The following TMEM255A variants were observed in gnomAD, a reference collection of about 807,000 sequenced individuals.
TMEM255A encodes family with sequence similarity 70, member A.
Under a neutral mutation model 23.5 loss-of-function variants are expected in TMEM255A, and 14 were observed. The observed-to-expected ratio is 0.60, with a 90% CI of 0.39 to 0.93. The LOEUF (loss-of-function observed/expected upper bound fraction) is 0.93. Among genes scored for constraint, TMEM255A ranks in the 40% least tolerant of loss-of-function variants. TMEM255A has a pLI of 0.00. For missense variants in TMEM255A, 233 were observed against 261.7 expected (o/e 0.89, Z 0.76); for synonymous variants, 104 against 100.3 (o/e 1.04, Z -0.22).
chrX:120,252,371 G>GT, the TMEM255A span, among the ~76,000 whole-genome samples: 3 of 110,175 alleles, frequency 2.7e-5, no homozygotes, highest in Admixed American at 9.6e-5. Flanking sequence ...TAATATATGG[G>GT]TTTTTTTAAA....
intron 4 of TMEM255A, among the ~76,000 whole-genome samples, chrX:120,289,206 C>A (rs1351671646): frequency 9.0e-6 from 1 of 111,645 alleles, no homozygotes; most frequent in Non-Finnish European, 1.9e-5. Context: ...TGAGGACTAG[C>A]CAATGTCTTA....
Position 120,298,662 on chromosome X carries a change from C to T in TMEM255A, c.202-4611G>A, listed in dbSNP as rs782619749. On this transcript the variant is annotated intron_variant, in intron 2 of 8. Transcript: ENST00000371369. Reference sequence around the variant, plus strand: ...GTCTAAATTCTGAATCCCATCTGACCCAAGGGTTCAGAGAAGGGATTGAGG... The same window carrying T: ...GTCTAAATTCTGAATCCCATCTGACTCAAGGGTTCAGAGAAGGGATTGAGG... Among the ~76,000 whole-genome samples the T allele has an allele frequency of 2.7e-5, 3 of 110,450 alleles. No individual in the cohort carries two copies. The South Asian group carries it at 1.2e-3, about 43-fold the overall frequency.
intron 2 of TMEM255A, among the ~76,000 whole-genome samples, chrX:120,298,182 C>T (rs1227520765): frequency 4.5e-5 from 5 of 111,256 alleles, no homozygotes; most frequent in Non-Finnish European, 7.5e-5. Flanking sequence ...TCACCTATGC[C>T]TGTTCCCATT....
intron 2 of TMEM255A, among the ~76,000 whole-genome samples, chrX:120,301,807 C>T (rs1556026051): frequency 9.0e-6 from 1 of 111,041 alleles, no homozygotes; most frequent in African/African-American, 3.3e-5. Context: ...TATAGTAACT[C>T]CCTAATAACC....
rs1556024244 is a variant in TMEM255A at position 120,296,760 on chromosome X, A to AT, written c.202-2710dup. Reference sequence around the variant, plus strand: ...ATTATATTATATTATATTATATATTATATATATTAAATATATTATATATCA... The same window carrying AT: ...ATTATATTATATTATATTATATATTATTATATATTAAATATATTATATATCA... On this transcript the variant is annotated intron_variant, in intron 2 of 8. Transcript: ENST00000371369. Among the ~76,000 whole-genome samples, 34 of 10,017 alleles carry AT rather than the reference A, an allele frequency of 3.4e-3. 1 individual carries two copies. Among genetic ancestry groups the AT allele is most frequent in the African/African-American group, 0.025 (28 of 1,125 alleles). The allele number at this position is 10,017 out of a possible 115,157, so 8.7% of individuals were successfully genotyped here. A position where few individuals can be genotyped will look rare whatever the true frequency, so the allele number is the denominator to read the frequency against.
Position 120,287,765 on chromosome X carries a change from A to G in TMEM255A, c.355-543T>C, listed in dbSNP as rs782174416. Among the ~76,000 whole-genome samples, 25 of 111,544 alleles carry G rather than the reference A, an allele frequency of 2.2e-4. No homozygotes were observed. The South Asian group carries it at 9.2e-3, about 41-fold the overall frequency. ...GCTCCTGAGGCTGCTGTAGATTTTA[A>G]CTCAATTGAACTGTGAGCCATTTTC... is the stretch of plus-strand genomic sequence containing the variant. On this transcript the variant is annotated intron_variant, in intron 4 of 8. Transcript: ENST00000371369.
At position 120,291,755 on chromosome X, in the gene TMEM255A, G is replaced by A. The variant is rs1439505043; in HGVS notation, c.265-415C>T. 7.4e-5 allele frequency among the ~76,000 whole-genome samples: 8 copies of A among 107,675 alleles called. No individual in the cohort carries two copies. The Admixed American group carries it at 8.1e-4, about 11-fold the overall frequency. 93.5% of individuals were successfully genotyped at this position (107,675 alleles called of 115,157 possible). A position where few individuals can be genotyped will look rare whatever the true frequency, so the allele number is the denominator to read the frequency against. ...CAGTGAGGGGAAATGGTGTGCCCAG[G>A]GTCTCCATCTAGTCTGTGGAAAAGC... is the stretch of plus-strand genomic sequence containing the variant. On this transcript the variant is annotated intron_variant, in intron 3 of 8. Transcript: ENST00000371369.
intron 3 of TMEM255A, among the ~76,000 whole-genome samples, chrX:120,292,209 A>G (rs1319666373): frequency 9.0e-6 from 1 of 111,310 alleles, no homozygotes; most frequent in Non-Finnish European, 1.9e-5. Flanking sequence ...CTATTCTCTA[A>G]TTGTGTTAGA....
intron 3 of TMEM255A, among the ~76,000 whole-genome samples, chrX:120,292,563 A>G (rs2057923413): frequency 9.0e-6 from 1 of 111,009 alleles, no homozygotes; most frequent in African/African-American, 3.3e-5. Flanking sequence ...GCTCAAGACC[A>G]GCCTGGCCAA....
intron 2 of TMEM255A, among the ~76,000 whole-genome samples, chrX:120,303,112 TACGTAGACTCAA>T (rs1424054877): frequency 1.4e-4 from 16 of 111,832 alleles, no homozygotes; most frequent in African/African-American, 5.2e-4. Context: ...AACAGCAGTG[TACGTAGACTCAA>T]ATTAGGTTTT....
chrX:120,268,456 T>C, intron 7 of TMEM255A, 69 bp from the exon 8 acceptor site: 2 of 844,463 alleles, frequency 2.4e-6, no homozygotes, highest in Non-Finnish European at 3.3e-6. Flanking sequence ...ATAAACTTAG[T>C]ACATCTATAC....
At chrX:120,254,906 T>C (rs1424890827), downstream of TMEM255A, 3 of 1,210,588 alleles carry the variant, frequency 2.5e-6, no homozygotes, top group African/African-American at 5.2e-5. Context: ...ATATCTGTAT[T>C]GTATGCAAAA....
chrX:120,290,247 G>T (rs1556022665), intron 4 of TMEM255A, among the ~76,000 whole-genome samples: 2 of 112,042 alleles, frequency 1.8e-5, no homozygotes, highest in Non-Finnish European at 3.8e-5. Context: ...GGGGAAAAAA[G>T]GAAGCCATTT....
downstream of TMEM255A, chrX:120,254,169 C>T (rs781878176): frequency 4.1e-6 from 5 of 1,211,718 alleles, no homozygotes; most frequent in South Asian, 8.8e-5. Flanking sequence ...ACTTCCTACT[C>T]CTGTGAATCA....
At chrX:120,287,930 T>C (rs1376449530) in intron 4 of TMEM255A, among the ~76,000 whole-genome samples, 25 of 111,404 alleles carry the variant, frequency 2.2e-4, no homozygotes, top group African/African-American at 7.2e-4. Flanking sequence ...CTCTCATGCA[T>C]GGGGGTTGGG....
At chrX:120,296,876 CAT>C (rs2057978991) in intron 2 of TMEM255A, among the ~76,000 whole-genome samples, 3 of 3,024 alleles carry the variant, frequency 9.9e-4, no homozygotes, top group Non-Finnish European at 1.3e-3. Flanking sequence ...TATTATATAT[CAT>C]ATATATTATA....
At chrX:120,301,427 C>G (rs2058032992) in intron 2 of TMEM255A, among the ~76,000 whole-genome samples, 1 of 112,023 alleles carries the variant, frequency 8.9e-6, no homozygotes, top group Non-Finnish European at 1.9e-5. Flanking sequence ...TTTCACAGTT[C>G]TATACATTAG....
At chrX:120,262,352 G>GA (rs1556016817) in intron 8 of TMEM255A, among the ~76,000 whole-genome samples, 1 of 111,414 alleles carries the variant, frequency 9.0e-6, no homozygotes, top group Non-Finnish European at 1.9e-5. Context: ...TTGAGACACA[G>GA]AAAAATCTTC....
chrX:120,305,480 T>A (rs5957354), intron 1 of TMEM255A, among the ~76,000 whole-genome samples: 21,829 of 108,406 alleles, frequency 0.2, 2,026 homozygotes, highest in East Asian at 0.39. Flanking sequence ...TAGTGGAGGT[T>A]TGGAGCATGA....
Sources: gnomAD v4.1 joint callset for allele counts (sites outside exome capture counted in the v4.1 genomes callset) on GRCh38, gnomAD v4.1.1 for gene constraint, MANE v1.5 for transcripts, NCBI Gene and HGNC (gene_info 2026-07-23, HGNC 2026-07-21) for gene names.